COL5A1: variants seen among roughly 807,000 people sequenced by gnomAD.
COL5A1 encodes collagen alpha-1(V) chain.
Under a neutral mutation model 263.7 loss-of-function variants are expected in COL5A1, and 16 were observed. The observed-to-expected ratio is 0.06, with a 90% CI of 0.04 to 0.09. The LOEUF (loss-of-function observed/expected upper bound fraction) is 0.09. Among genes scored for constraint, COL5A1 ranks in the 10% least tolerant of loss-of-function variants. COL5A1 has a pLI of 1.00. For missense variants in COL5A1, 2,036 were observed against 2,540.5 expected (o/e 0.80, Z 4.27); for synonymous variants, 1,012 against 1,004.5 (o/e 1.01, Z -0.14).
intron 47 of COL5A1, 44 bp from the exon 48 acceptor site, chr9:134,812,561 C>T (rs779732850): frequency 2.2e-5 from 35 of 1,612,008 alleles, no homozygotes; most frequent in Non-Finnish European, 3.0e-5. Context: ...TTTGGGGAAA[C>T]ATTTGCGTTT....
At chr9:134,798,560 T>A in intron 37 of COL5A1, 99 bp downstream of exon 37, 1 of 1,014,076 alleles carries the variant, frequency 9.9e-7, no homozygotes, top group Non-Finnish European at 1.5e-6. Context: ...AGGACCCTCC[T>A]GGCCTGGGAG....
chr9:134,831,464 G>A (rs1190436207), intron 64 of COL5A1, among the ~76,000 whole-genome samples: 3 of 152,130 alleles, frequency 2.0e-5, no homozygotes, highest in African/African-American at 4.8e-5. Flanking sequence ...AGAGCTGCTG[G>A]CATACAGAAG....
chr9:134,658,808 G>A (rs973701319), intron 1 of COL5A1, among the ~76,000 whole-genome samples: 7 of 152,350 alleles, frequency 4.6e-5, no homozygotes, highest in African/African-American at 1.4e-4. Flanking sequence ...CTCCAGGTGG[G>A]CTCTGGGGTC....
intron 41 of COL5A1, among the ~76,000 whole-genome samples, chr9:134,805,813 G>A (rs1838276245): frequency 6.9e-6 from 1 of 145,012 alleles, no homozygotes; most frequent in Non-Finnish European, 1.5e-5. Flanking sequence ...TGGAGGAGAG[G>A]GGGTGCCCCG....
At chr9:134,708,419 C>G (rs1318639731) in intron 4 of COL5A1, 12 of 371,540 alleles carry the variant, frequency 3.2e-5, no homozygotes, top group African/African-American at 8.8e-5. Flanking sequence ...GAGCAACTCC[C>G]GGGGTGGGGG....
At chr9:134,713,765 G>A (rs1402962124) in intron 4 of COL5A1, among the ~76,000 whole-genome samples, 1 of 152,218 alleles carries the variant, frequency 6.6e-6, no homozygotes, top group Non-Finnish European at 1.5e-5. Flanking sequence ...ACAGAGGGCA[G>A]GGTGATCTCA....
intron 9 of COL5A1, chr9:134,732,516 G>A (rs1233845510): frequency 1.4e-5 from 5 of 365,392 alleles, no homozygotes; most frequent in South Asian, 6.1e-5. Context: ...TAAAAGATGC[G>A]CGCGGCAGTG....
chr9:134,685,456 C>T (rs1833020523), intron 1 of COL5A1, among the ~76,000 whole-genome samples: 1 of 57,378 alleles, frequency 1.7e-5, no homozygotes, highest in Non-Finnish European at 3.6e-5. Context: ...CATCATCCAT[C>T]CATCCATCCA....
At chr9:134,828,833 A>G (rs1839437880) in intron 63 of COL5A1, among the ~76,000 whole-genome samples, 1 of 151,364 alleles carries the variant, frequency 6.6e-6, no homozygotes, top group Non-Finnish European at 1.5e-5. Context: ...ACCACACATC[A>G]CACAGATACA....
chr9:134,722,987 C>T (rs1564411635), intron 4 of COL5A1, among the ~76,000 whole-genome samples: 2 of 152,182 alleles, frequency 1.3e-5, no homozygotes, highest in Non-Finnish European at 2.9e-5. Context: ...CAAAATGCCC[C>T]CAGTTTACTG....
At chr9:134,731,695 G>GCCCCCCC in intron 8 of COL5A1, 32 bp downstream of exon 8, 1 of 1,592,130 alleles carries the variant, frequency 6.3e-7, no homozygotes, top group Non-Finnish European at 8.6e-7. Flanking sequence ...TTCCGGGTGG[G>GCCCCCCC]GTTGGGGGGC....
chr9:134,744,519 C>A (rs3109674), intron 11 of COL5A1, among the ~76,000 whole-genome samples: 75,368 of 148,858 alleles, frequency 0.51, 19,067 homozygotes, highest in Non-Finnish European at 0.55. Context: ...TCATGCACAC[C>A]CCCATACATG....
chr9:134,763,039 G>A (rs900311704), intron 19 of COL5A1, among the ~76,000 whole-genome samples: 2 of 152,160 alleles, frequency 1.3e-5, no homozygotes, highest in Non-Finnish European at 2.9e-5. Context: ...GTGTATGTGT[G>A]TGCACAAGCA....
At chr9:134,648,173 C>G (rs898994742) in intron 1 of COL5A1, among the ~76,000 whole-genome samples, 10 of 151,910 alleles carry the variant, frequency 6.6e-5, no homozygotes, top group Admixed American at 3.3e-4. Flanking sequence ...CCTCGAACAT[C>G]GGACTCCAAG....
At chr9:134,649,734 G>C (rs904047074) in intron 1 of COL5A1, 2 of 341,662 alleles carry the variant, frequency 5.9e-6, no homozygotes, top group Non-Finnish European at 1.1e-5. Context: ...AAATGCACAC[G>C]TATGTTTATT....
At chr9:134,684,223 G>C (rs1267320959) in intron 1 of COL5A1, among the ~76,000 whole-genome samples, 1 of 152,242 alleles carries the variant, frequency 6.6e-6, no homozygotes, top group Non-Finnish European at 1.5e-5. Context: ...TCGGGCACCA[G>C]TGGACGACCA....
chr9:134,743,197 G>T (rs1564425125), intron 11 of COL5A1, among the ~76,000 whole-genome samples: 1 of 152,166 alleles, frequency 6.6e-6, no homozygotes, highest in Non-Finnish European at 1.5e-5. Context: ...GTGTTTTAAG[G>T]CAGCTCCTGA....
chr9:134,839,521 C>T (rs1221253100), intron 65 of COL5A1, among the ~76,000 whole-genome samples: 2 of 152,214 alleles, frequency 1.3e-5, no homozygotes, highest in Admixed American at 6.5e-5. Flanking sequence ...CTTGCCCAGC[C>T]TCCCAGGGGT....
chr9:134,791,416 C>T (rs1837687014), intron 32 of COL5A1, among the ~76,000 whole-genome samples: 1 of 152,220 alleles, frequency 6.6e-6, no homozygotes, highest in Admixed American at 6.5e-5. Context: ...CTGAGCACAG[C>T]CTTTGCCCGC....
Sources: gnomAD v4.1 joint callset for allele counts (sites outside exome capture counted in the v4.1 genomes callset) on GRCh38, gnomAD v4.1.1 for gene constraint, MANE v1.5 for transcripts, NCBI Gene and HGNC (gene_info 2026-07-23, HGNC 2026-07-21) for gene names.